ROBO2: variants seen among roughly 807,000 people sequenced by gnomAD.
ROBO2 encodes the protein roundabout homolog 2.
A neutral mutation model predicts 160.8 loss-of-function variants in ROBO2; 53 were observed. That is an observed-to-expected ratio of 0.33 (90% CI 0.26 to 0.41). ROBO2 has a LOEUF of 0.41. Ranked by LOEUF, ROBO2 falls within the 10% of genes least tolerant of loss-of-function variation. ROBO2 has a pLI of 1.00. For missense variants in ROBO2, 1,577 were observed against 1,722.4 expected, an observed-to-expected ratio of 0.92 and a Z score of 1.49; for synonymous variants, 664 against 611.7, an observed-to-expected ratio of 1.09 and a Z score of -1.26.
chr3:76,382,354 C>T (rs1446264826), intron 2 of ROBO2, among the ~76,000 whole-genome samples: 4 of 152,062 alleles, frequency 2.6e-5, no homozygotes, highest in African/African-American at 4.8e-5. Flanking sequence ...TTTGGGAGGC[C>T]GAGGCAGGCG....
chr3:75,954,383 C>T (rs949713666), intron 2 of ROBO2, among the ~76,000 whole-genome samples: 1 of 151,816 alleles, frequency 6.6e-6, no homozygotes, highest in African/African-American at 2.4e-5. Context: ...TTATGTGTCA[C>T]ACAGAACAGA....
At chr3:76,329,473 C>T (rs1224926393) in intron 2 of ROBO2, among the ~76,000 whole-genome samples, 2 of 152,306 alleles carry the variant, frequency 1.3e-5, no homozygotes, top group East Asian at 1.9e-4. Context: ...CCGCCTGGGC[C>T]TCTCAAAGTG....
chr3:76,493,395 A>T (rs528647729), intron 2 of ROBO2, among the ~76,000 whole-genome samples: 38 of 145,146 alleles, frequency 2.6e-4, no homozygotes, highest in Admixed American at 1.0e-3. Flanking sequence ...AAAAGATTTC[A>T]TGTACACAAC....
At position 76,216,849 on chromosome 3, in the gene ROBO2, G is replaced by GA. The variant is rs538142562; in HGVS notation, c.109+279249dup. ...CAGAACTCTCCACCCAAAATCAACA[G>GA]AATATAAATTCTTTTCAGCACCACA... On this transcript the variant is annotated intron_variant, in intron 2 of 26. Coordinates refer to the ROBO2 transcript ENST00000487694. 1.6e-4 allele frequency among the ~76,000 whole-genome samples: 24 copies of GA among 152,256 alleles called. No individual in the cohort carries two copies. The South Asian group carries it at 4.8e-3, about 30-fold the overall frequency.
At chr3:76,442,144 A>C (rs1473176088) in intron 2 of ROBO2, among the ~76,000 whole-genome samples, 2 of 152,234 alleles carry the variant, frequency 1.3e-5, no homozygotes, top group African/African-American at 4.8e-5. Flanking sequence ...AATTGAGCTA[A>C]TGCTAGTACT....
chr3:76,412,956 G>T (rs1222715234), intron 2 of ROBO2, among the ~76,000 whole-genome samples: 2 of 152,146 alleles, frequency 1.3e-5, no homozygotes, highest in African/African-American at 4.8e-5. Context: ...CTCCATGAGG[G>T]CCCCACCAGG....
exon 2 of ROBO2, chr3:75,937,553 G>T: frequency 2.5e-6 from 4 of 1,575,970 alleles, no homozygotes; most frequent in Non-Finnish European, 3.4e-6. Context: ...CGGGACTGTT[G>T]ATGATGACTG....
At chr3:76,319,873 A>G (rs1271686282) in intron 2 of ROBO2, among the ~76,000 whole-genome samples, 1 of 152,022 alleles carries the variant, frequency 6.6e-6, no homozygotes, top group African/African-American at 2.4e-5. Flanking sequence ...GTAGAAATTC[A>G]AGTAATCTAT....
chr3:77,448,367 C>G (rs1212002180), intron 2 of ROBO2, among the ~76,000 whole-genome samples: 1 of 152,132 alleles, frequency 6.6e-6, no homozygotes, highest in Admixed American at 6.6e-5. Context: ...ACAAGGCCAC[C>G]TTTGGCCATT....
At chr3:76,846,895 C>T (rs1307345171) in intron 2 of ROBO2, among the ~76,000 whole-genome samples, 2 of 152,028 alleles carry the variant, frequency 1.3e-5, no homozygotes, top group Non-Finnish European at 2.9e-5. Flanking sequence ...TCTGGCTAAC[C>T]TTGTGATTCA....
intron 2 of ROBO2, among the ~76,000 whole-genome samples, chr3:77,321,569 A>G (rs967184079): frequency 3.3e-5 from 5 of 152,166 alleles, no homozygotes; most frequent in Non-Finnish European, 7.3e-5. Context: ...GAAAAATTTT[A>G]GAGAGAGGCG....
At chr3:75,995,491 A>T (rs2107532897) in intron 2 of ROBO2, among the ~76,000 whole-genome samples, 1 of 152,300 alleles carries the variant, frequency 6.6e-6, no homozygotes, top group Non-Finnish European at 1.5e-5. Flanking sequence ...AATGTATGGG[A>T]ACACCAGAAT....
intron 2 of ROBO2, among the ~76,000 whole-genome samples, chr3:76,647,798 G>C (rs758707607): frequency 2.0e-5 from 3 of 152,068 alleles, no homozygotes; most frequent in Non-Finnish European, 2.9e-5. Flanking sequence ...AAAAATGGGG[G>C]AAAGAAGATC....
rs554692521 is a variant in ROBO2 at position 76,300,138 on chromosome 3, G to A, written c.109+362536G>A. On this transcript the variant is annotated intron_variant, in intron 2 of 26. Transcript: ENST00000487694. ...CCAAAATCAAGGCCTCATCCAAACT[G>A]TGTTCTTATTCATGGGCTGTGGGAA... 2.0e-5 allele frequency among the ~76,000 whole-genome samples: 3 copies of A among 152,198 alleles called. No individual in the cohort carries two copies. In the South Asian group the frequency reaches 6.2e-4, roughly 31 times the overall value.
intron 2 of ROBO2, among the ~76,000 whole-genome samples, chr3:76,537,094 G>A (rs956562892): frequency 6.6e-6 from 1 of 152,170 alleles, no homozygotes; most frequent in Non-Finnish European, 1.5e-5. Context: ...CTGTGGAAGG[G>A]GAGAGAGGTC....
intron 2 of ROBO2, among the ~76,000 whole-genome samples, chr3:76,590,213 A>G (rs2086328117): frequency 6.6e-6 from 1 of 152,214 alleles, no homozygotes; most frequent in African/African-American, 2.4e-5. Flanking sequence ...AGTCAAAAAC[A>G]AAGTTGTCAG....
intron 1 of ROBO2, among the ~76,000 whole-genome samples, chr3:77,044,968 T>C (rs1447905848): frequency 1.3e-5 from 2 of 152,168 alleles, no homozygotes. Flanking sequence ...CTCTTCTTTT[T>C]TTTTCCATGT....
chr3:77,388,711 C>T (rs1479214227), intron 2 of ROBO2, among the ~76,000 whole-genome samples: 1 of 152,124 alleles, frequency 6.6e-6, no homozygotes, highest in Non-Finnish European at 1.5e-5. Flanking sequence ...TGATGTGTTT[C>T]AAGTATTTTA....
intron 2 of ROBO2, among the ~76,000 whole-genome samples, chr3:77,240,104 C>T (rs1239862813): frequency 3.9e-5 from 6 of 152,188 alleles, no homozygotes; most frequent in African/African-American, 1.4e-4. Flanking sequence ...CTCCTCAACC[C>T]TTGGGAGGTC....
Sources: allele counts gnomAD v4.1 joint callset (sites outside exome capture counted in the v4.1 genomes callset), GRCh38; gene constraint gnomAD v4.1.1; transcripts MANE v1.5; gene names NCBI Gene and HGNC (gene_info 2026-07-23, HGNC 2026-07-21).